Variants in MMP26 observed in about 807,000 individuals in gnomAD.
MMP26 encodes matrix metallopeptidase 26.
In MMP26, 33 loss-of-function variants were observed where a neutral mutation model predicts 31.0. The observed-to-expected ratio is 1.06, with a 90% CI of 0.81 to 1.42. The LOEUF (loss-of-function observed/expected upper bound fraction) is 1.42. Ranked by LOEUF, MMP26 falls within the 40% of genes most tolerant of loss-of-function variation. The probability of loss-of-function intolerance (pLI) is 0.00; values close to 1 mark genes in which losing one functional copy is unlikely to be tolerated. For missense variants in MMP26, 347 were observed against 316.1 expected (o/e 1.10, Z -0.74); for synonymous variants, 122 against 114.9 (o/e 1.06, Z -0.40).
At chr11:4,751,546 C>T (rs1024206675) in intron 1 of MMP26, among the ~76,000 whole-genome samples, 7 of 152,044 alleles carry the variant, frequency 4.6e-5, no homozygotes, top group Non-Finnish European at 4.4e-5. Flanking sequence ...AAGTCGTAAG[C>T]AGACTGGCAT....
intron 2 of MMP26, among the ~76,000 whole-genome samples, chr11:4,792,997 CA>C (rs1849051650): frequency 6.6e-6 from 1 of 152,116 alleles, no homozygotes; most frequent in Non-Finnish European, 1.5e-5. Context: ...GTGATTATCT[CA>C]AGTGAAACAA....
At chr11:4,842,884 G>A (rs1333451991) in intron 2 of MMP26, among the ~76,000 whole-genome samples, 2 of 152,160 alleles carry the variant, frequency 1.3e-5, no homozygotes, top group African/African-American at 4.8e-5. Flanking sequence ...GAGAAAATGG[G>A]GGTACAGGCA....
rs201626472 is a variant in MMP26, at chr11:4,942,089, CAAA to C, written c.-144-45960_-144-45958del. ...TGGGCAGCAGAATGAGAGTCCATCT[CAAA>C]AAAAAAAAAAAAAAAAAAGGAAGTA... On this transcript the variant is annotated intron_variant, in intron 2 of 7. Coordinates refer to ENST00000380390, the MANE Select transcript of MMP26 (RefSeq NM_021801.5). Among the ~76,000 whole-genome samples the C allele has an allele frequency of 1.2e-3, 46 of 37,114 alleles. 1 individual carries two copies. Among genetic ancestry groups the C allele is most frequent in the African/African-American group, 4.1e-3 (37 of 8,934 alleles). The allele number at this position is 37,114 out of a possible 152,430, so 24.3% of individuals were successfully genotyped here. A position where few individuals can be genotyped will look rare whatever the true frequency, so the allele number is the denominator to read the frequency against.
chr11:4,986,136 G>A (rs941391070), intron 2 of MMP26, among the ~76,000 whole-genome samples: 1 of 152,054 alleles, frequency 6.6e-6, no homozygotes, highest in Non-Finnish European at 1.5e-5. Context: ...TAATAGATTT[G>A]AAGCGAATTT....
At chr11:4,761,690 T>C (rs1026380131) in intron 1 of MMP26, among the ~76,000 whole-genome samples, 5 of 152,224 alleles carry the variant, frequency 3.3e-5, no homozygotes, top group African/African-American at 1.2e-4. Context: ...GATGAGAGTC[T>C]AGTATTTTTT....
Position 4,722,780 on chromosome 11 carries a change from G to T in MMP26, c.-217+17735G>T, listed in dbSNP as rs1848032779. On this transcript the variant is annotated intron_variant, in intron 1 of 7. Coordinates refer to ENST00000380390, the MANE Select transcript of MMP26 (RefSeq NM_021801.5). ...AGGACTCGGACACCAGCTTCCCTTC[G>T]TGGGTCTCGATATTCTTCACAACCA... The T allele has an allele frequency of 3.0e-6, 3 of 1,003,656 alleles. No homozygotes were observed. In the African/African-American group the frequency reaches 4.7e-5, roughly 16 times the overall value. The allele number at this position is 1,003,656 out of a possible 1,614,324, so 62.2% of individuals were successfully genotyped here.
At chr11:4,788,962 A>G (rs1245897497) in intron 2 of MMP26, among the ~76,000 whole-genome samples, 1 of 152,166 alleles carries the variant, frequency 6.6e-6, no homozygotes, top group East Asian at 1.9e-4. Context: ...TACCTAACGC[A>G]TGAGTTCCCA....
intron 2 of MMP26, among the ~76,000 whole-genome samples, chr11:4,883,327 A>G (rs1850506023): frequency 2.6e-5 from 4 of 152,118 alleles, no homozygotes; most frequent in African/African-American, 9.7e-5. Flanking sequence ...ATGTGCACAA[A>G]GGCACACACG....
intron 2 of MMP26, among the ~76,000 whole-genome samples, chr11:4,952,497 C>A (rs911742790): frequency 1.6e-5 from 2 of 125,696 alleles, no homozygotes; most frequent in African/African-American, 5.4e-5. Flanking sequence ...TATAGTTACG[C>A]ACCTTGAACA....
At chr11:4,979,602 G>C (rs1010230814) in intron 2 of MMP26, among the ~76,000 whole-genome samples, 1 of 152,062 alleles carries the variant, frequency 6.6e-6, no homozygotes, top group African/African-American at 2.4e-5. Context: ...GGGCTAATAA[G>C]TTAATTCCAA....
intron 1 of MMP26, among the ~76,000 whole-genome samples, chr11:4,746,070 T>C (rs1848376226): frequency 6.6e-6 from 1 of 152,222 alleles, no homozygotes; most frequent in African/African-American, 2.4e-5. Flanking sequence ...TGGATTAACC[T>C]TTGGAAAACA....
intron 2 of MMP26, chr11:4,915,338 A>G (rs1215624566): frequency 1.2e-6 from 2 of 1,613,912 alleles, no homozygotes; most frequent in African/African-American, 1.3e-5. Context: ...GAAGCAGTGA[A>G]TGAAAAAGAG....
At chr11:4,855,359 C>A (rs912057521) in intron 2 of MMP26, among the ~76,000 whole-genome samples, 3 of 152,064 alleles carry the variant, frequency 2.0e-5, no homozygotes, top group Non-Finnish European at 4.4e-5. Context: ...GGATAAACAG[C>A]ATAGAGAAGA....
chr11:4,751,205 T>G (rs1848443025), intron 1 of MMP26, among the ~76,000 whole-genome samples: 1 of 152,152 alleles, frequency 6.6e-6, no homozygotes, highest in African/African-American at 2.4e-5. Flanking sequence ...TATCAATAAG[T>G]ATCTACTATG....
rs147882893 is a variant in MMP26, at chr11:4,911,544, G to A, written c.-144-76524G>A. On this transcript the variant is annotated intron_variant, in intron 2 of 7. Coordinates refer to ENST00000380390, the MANE Select transcript of MMP26 (RefSeq NM_021801.5). ...ATTAATGTAGCTTCCAGCTTACTTC[G>A]CTCCAGTCACACCGGTCCTCTTGCT... Among the ~76,000 whole-genome samples the A allele has an allele frequency of 5.2e-4, 79 of 152,138 alleles. 1 individual carries two copies. Among genetic ancestry groups the A allele is most frequent in the African/African-American group, 1.7e-3 (72 of 41,514 alleles).
intron 2 of MMP26, among the ~76,000 whole-genome samples, chr11:4,950,684 A>AT (rs34599445): frequency 0.74 from 89,414 of 121,400 alleles, 38,849 homozygotes; most frequent in Middle Eastern, 0.87. Flanking sequence ...TCATCAAAAA[A>AT]AAATATTATT....
chr11:4,754,096 ATTTT>A (rs371054284), intron 1 of MMP26, among the ~76,000 whole-genome samples: 1 of 141,766 alleles, frequency 7.1e-6, no homozygotes, highest in African/African-American at 2.6e-5. Flanking sequence ...TAAAAGAGAG[ATTTT>A]TTTTTTTTTT....
intron 1 of MMP26, among the ~76,000 whole-genome samples, chr11:4,741,490 C>T (rs1316820581): frequency 2.1e-4 from 32 of 152,098 alleles, no homozygotes; most frequent in Non-Finnish European, 2.9e-5. Context: ...GAGATCATGT[C>T]CTTTGCAGGG....
intron 2 of MMP26, among the ~76,000 whole-genome samples, chr11:4,940,081 T>C (rs1409780809): frequency 4.0e-5 from 6 of 151,602 alleles, no homozygotes; most frequent in Non-Finnish European, 8.8e-5. Context: ...TTATATTATA[T>C]ATTATTATAT....
Sources: gnomAD v4.1 joint callset for allele counts (sites outside exome capture counted in the v4.1 genomes callset) on GRCh38, gnomAD v4.1.1 for gene constraint, MANE v1.5 for transcripts, NCBI Gene and HGNC (gene_info 2026-07-23, HGNC 2026-07-21) for gene names.